The following ERGIC1 variants were observed in gnomAD, a reference collection of about 807,000 sequenced individuals.
The protein encoded by ERGIC1 is endoplasmic reticulum-Golgi intermediate compartment protein 1.
A neutral mutation model predicts 38.3 loss-of-function variants in ERGIC1; 19 were observed. That is an observed-to-expected ratio of 0.50 (90% CI 0.35 to 0.73). The LOEUF (loss-of-function observed/expected upper bound fraction) is 0.73. Ranked by LOEUF, ERGIC1 falls within the 30% of genes least tolerant of loss-of-function variation. The pLI is 0.01. For synonymous variants in ERGIC1, 124 were observed against 157.6 expected, an observed-to-expected ratio of 0.79 and a Z score of 1.60; for missense variants, 294 against 389.2, an observed-to-expected ratio of 0.76 and a Z score of 2.06.
At position 172,834,949 on chromosome 5, in the gene ERGIC1, C is replaced by T. The variant is rs1760998851; in HGVS notation, c.20+516C>T. ...CAGGCCGGGCAGATCGGGAGGCCTG[C>T]CCCCGCCCCTCCCTCCCTCAGCCCC... On this transcript the variant is annotated intron_variant, in intron 1 of 9. Transcript: ENST00000393784. The surrounding 1 kb of genome is among the most constrained non-coding windows in gnomAD (Gnocchi z 4.1). Among the ~76,000 whole-genome samples, 1 of 152,188 alleles carries T rather than the reference C, an allele frequency of 6.6e-6. No homozygotes were observed. Among genetic ancestry groups the T allele is most frequent in the Non-Finnish European group, 1.5e-5 (1 of 68,010 alleles).
At chr5:172,936,863 G>A (rs1031838022) in intron 9 of ERGIC1, 2 of 152,112 alleles carry the variant, frequency 1.3e-5, no homozygotes, top group African/African-American at 4.8e-5. Context: ...TGGATACGGT[G>A]GTATATGCAC....
At chr5:172,877,798 A>G (rs1762184612) in intron 1 of ERGIC1, among the ~76,000 whole-genome samples, 1 of 152,070 alleles carries the variant, frequency 6.6e-6, no homozygotes, top group South Asian at 2.1e-4. Context: ...CCTTGTGTAG[A>G]TGTCAATTTA....
chr5:172,917,123 G>A (rs1581573189), intron 5 of ERGIC1: 1 of 152,310 alleles, frequency 6.6e-6, no homozygotes, highest in East Asian at 1.9e-4. Context: ...GGGGGTAAGG[G>A]CACATGTGGA....
chr5:172,854,878 TAA>T (rs1761506381), intron 1 of ERGIC1, among the ~76,000 whole-genome samples: 2 of 152,270 alleles, frequency 1.3e-5, no homozygotes, highest in Non-Finnish European at 2.9e-5. Context: ...CTTAGGAACT[TAA>T]GTCTTGTTTA....
intron 1 of ERGIC1, among the ~76,000 whole-genome samples, chr5:172,865,870 A>T (rs1761848146): frequency 6.6e-6 from 1 of 152,160 alleles, no homozygotes; most frequent in African/African-American, 2.4e-5. Flanking sequence ...TTTTGGACAT[A>T]TAGAATCATA....
chr5:172,843,089 T>G (rs1276487735), intron 1 of ERGIC1, among the ~76,000 whole-genome samples: 2 of 152,198 alleles, frequency 1.3e-5, no homozygotes, highest in African/African-American at 2.4e-5. Context: ...GAGGTTGCAG[T>G]GAGCCGAGAT....
intron 1 of ERGIC1, among the ~76,000 whole-genome samples, chr5:172,858,392 A>G (rs1761610096): frequency 1.3e-5 from 2 of 152,344 alleles, no homozygotes; most frequent in Admixed American, 1.3e-4. Context: ...CGAACTCTTG[A>G]TGCGAAGGGA....
Position 172,932,629 on chromosome 5 carries a change from TTC to T in ERGIC1, c.642+95_642+96del, listed in dbSNP as rs566019263. 102 of 1,279,658 alleles carry T rather than the reference TTC, an allele frequency of 8.0e-5. 2 individuals are homozygous for T. In the Middle Eastern group the frequency reaches 2.4e-3, roughly 30 times the overall value. 79.3% of individuals were successfully genotyped at this position (1,279,658 alleles called of 1,614,324 possible). A position where few individuals can be genotyped will look rare whatever the true frequency, so the allele number is the denominator to read the frequency against. ...CAGGCGGCTGCACCGACGCACTTTCTTCTGATTCCTTTCTGGAGGCCTTTCCT... is the reference window on the plus strand; with the variant it reads ...CAGGCGGCTGCACCGACGCACTTTCTTGATTCCTTTCTGGAGGCCTTTCCT... On this transcript the variant is annotated intron_variant, in intron 8 of 9. Coordinates refer to ENST00000393784, the MANE Select transcript of ERGIC1 (RefSeq NM_001031711.3).
intron 9 of ERGIC1, among the ~76,000 whole-genome samples, chr5:172,946,928 AT>A (rs1361522389): frequency 6.6e-6 from 1 of 151,616 alleles, no homozygotes; most frequent in African/African-American, 2.4e-5. Flanking sequence ...CACACCTGTA[AT>A]CCCACCACTT....
intron 1 of ERGIC1, among the ~76,000 whole-genome samples, chr5:172,854,949 G>A (rs1383314526): frequency 6.6e-6 from 1 of 152,174 alleles, no homozygotes; most frequent in Non-Finnish European, 1.5e-5. Flanking sequence ...TCAAAGTCAT[G>A]GTTTCCAAGA....
At chr5:172,933,230 T>A (rs1763816548) in intron 8 of ERGIC1, 1 of 152,290 alleles carries the variant, frequency 6.6e-6, no homozygotes, top group South Asian at 2.1e-4. Context: ...ACCAGGACTG[T>A]CCTTTTTCTT....
chr5:172,911,175 A>G (rs983388172), intron 4 of ERGIC1, among the ~76,000 whole-genome samples: 2 of 152,124 alleles, frequency 1.3e-5, no homozygotes, highest in Admixed American at 1.3e-4. Context: ...ATCTCCGGCC[A>G]GAGATAGGAA....
At chr5:172,853,083 G>A (rs1240643319) in intron 1 of ERGIC1, among the ~76,000 whole-genome samples, 1 of 148,236 alleles carries the variant, frequency 6.7e-6, no homozygotes, top group Non-Finnish European at 1.5e-5. Context: ...GTAGATATGA[G>A]TGTGCAAATG....
intron 9 of ERGIC1, among the ~76,000 whole-genome samples, chr5:172,944,059 C>T (rs964463190): frequency 6.6e-6 from 1 of 152,138 alleles, no homozygotes. Flanking sequence ...TATCGGATGA[C>T]GTCTGATGAA....
chr5:172,851,398 A>G (rs1761401362), intron 1 of ERGIC1, among the ~76,000 whole-genome samples: 1 of 151,860 alleles, frequency 6.6e-6, no homozygotes. Context: ...AGTCCCAGCT[A>G]CTCAGGAGGC....
intron 1 of ERGIC1, among the ~76,000 whole-genome samples, chr5:172,856,280 AC>A (rs1475359583): frequency 6.6e-6 from 1 of 152,126 alleles, no homozygotes; most frequent in Admixed American, 6.5e-5. Context: ...CTTGAAACTT[AC>A]TCACAAGAAG....
At chr5:172,879,835 C>T (rs1298697322) in intron 1 of ERGIC1, among the ~76,000 whole-genome samples, 1 of 152,140 alleles carries the variant, frequency 6.6e-6, no homozygotes, top group Non-Finnish European at 1.5e-5. Context: ...CATTCTTTGT[C>T]GTGGGGGGAC....
chr5:172,900,007 T>C (rs1383423367), intron 3 of ERGIC1, among the ~76,000 whole-genome samples: 4 of 152,232 alleles, frequency 2.6e-5, no homozygotes, highest in Non-Finnish European at 5.9e-5. Context: ...ATATAAGTAC[T>C]CAGGGAATGT....
chr5:172,896,922 T>C, intron 2 of ERGIC1, 80 bp from the exon 3 acceptor site: 1 of 1,379,324 alleles, frequency 7.2e-7, no homozygotes, highest in Non-Finnish European at 1.0e-6. Flanking sequence ...CTGGGGCCTC[T>C]TTCCTCTTCC....
Sources: allele counts gnomAD v4.1 joint callset (sites outside exome capture counted in the v4.1 genomes callset), GRCh38; gene constraint gnomAD v4.1.1; non-coding constraint Gnocchi (gnomAD v3.1); transcripts MANE v1.5; gene names NCBI Gene and HGNC (gene_info 2026-07-23, HGNC 2026-07-21).